NRROS: variants seen among roughly 807,000 people sequenced by gnomAD.
The protein encoded by NRROS is negative regulator of reactive oxygen species.
A neutral mutation model predicts 12.0 loss-of-function variants in NRROS; 6 were observed. The observed-to-expected ratio is 0.50, with a 90% CI of 0.27 to 0.98. The LOEUF is 0.98. NRROS is among the 50% of genes least tolerant of loss of function. The pLI, the probability that NRROS is intolerant of heterozygous loss-of-function variation, is 0.11. For synonymous variants in NRROS, 462 were observed against 410.2 expected (o/e 1.13, Z -1.53); for missense variants, 857 against 888.2 (o/e 0.96, Z 0.45).
At chr3:196,650,207 G>A (rs565621007) in intron 1 of NRROS, among the ~76,000 whole-genome samples, 103 of 152,298 alleles carry the variant, frequency 6.8e-4, no homozygotes, top group Non-Finnish European at 1.3e-3. Flanking sequence ...GAGTGCAATA[G>A]CGAGATCTCT....
chr3:196,659,717 C>A, intron 2 of NRROS, 35 bp from the exon 3 acceptor site: 1 of 1,574,282 alleles, frequency 6.4e-7, no homozygotes, highest in Non-Finnish European at 8.6e-7. Context: ...GCCTCTGGGC[C>A]TCCTCGCTGC....
chr3:196,652,100 A>G (rs911301258), intron 1 of NRROS, among the ~76,000 whole-genome samples: 1 of 152,236 alleles, frequency 6.6e-6, no homozygotes, highest in Admixed American at 6.5e-5. Context: ...GTCAGCCAGC[A>G]TAGTCATCTG....
At chr3:196,650,058 T>C (rs1391563730) in intron 1 of NRROS, among the ~76,000 whole-genome samples, 2 of 152,116 alleles carry the variant, frequency 1.3e-5, no homozygotes, top group Admixed American at 1.3e-4. Flanking sequence ...GGGATAACAA[T>C]TCAGATATCC....
chr3:196,649,535 G>A (rs1577630724), intron 1 of NRROS, among the ~76,000 whole-genome samples: 2 of 152,066 alleles, frequency 1.3e-5, no homozygotes, highest in South Asian at 4.1e-4. Flanking sequence ...GCAGTGGCGT[G>A]ATCTCGGCTC....
intron 1 of NRROS, among the ~76,000 whole-genome samples, chr3:196,651,168 G>T (rs1291460014): frequency 6.6e-6 from 1 of 152,184 alleles, no homozygotes; most frequent in Non-Finnish European, 1.5e-5. Context: ...GAAGCTCTCT[G>T]CAGCTACACA....
Position 196,660,830 on chromosome 3 carries a change from G to A in NRROS, c.1187G>A (p.Gly396Glu). The change falls in exon 3 of 3, where the codon GGG (glycine) becomes GAG (glutamate). Residue 396 changes from glycine to glutamate, a missense_variant. Transcript: ENST00000328557. The surrounding 1 kb of genome is among the most constrained non-coding windows in gnomAD (Gnocchi z 7.7). ...NQLSELHLAP[G>E]LASCLGSLRL... ...CTGTCGGAGCTGCACCTGGCTCCGG[G>A]GCTGGCCAGCTGCCTGGGCAGCCTG... The A allele has an allele frequency of 2.5e-6, 4 of 1,613,640 alleles. No homozygotes were observed. The highest frequency in any genetic ancestry group is 3.4e-6 in the Non-Finnish European group (4 of 1,180,012).
rs1737498329 is a variant in NRROS, at chr3:196,654,638, C to A, written c.99C>A (p.Val33=). ...SGTATAASQG[V]CKLVGGAADC... ...CAGCCACAGCAGCCTCCCAAGGAGT[C>A]TGCAAGTTGGTGAGTTTCCCTTGAA... Residue 33 remains valine (V), a synonymous_variant, in exon 2 of 3, where the codon GTC becomes GTA. Coordinates refer to ENST00000328557, the MANE Select transcript of NRROS (RefSeq NM_198565.3). The surrounding 1 kb of genome is among the most constrained non-coding windows in gnomAD (Gnocchi z 4.4). 6.2e-7 allele frequency: 1 copy of A among 1,608,810 alleles called. No individual in the cohort carries two copies. The highest frequency in any genetic ancestry group is 8.5e-7 in the Non-Finnish European group (1 of 1,175,650).
chr3:196,649,137 C>T (rs986604597), intron 1 of NRROS, among the ~76,000 whole-genome samples: 21 of 152,206 alleles, frequency 1.4e-4, no homozygotes, highest in Non-Finnish European at 5.9e-5. Context: ...TAATGTTTTG[C>T]TAAGAATCAG....
chr3:196,657,573 G>A (rs1737565607), intron 2 of NRROS, among the ~76,000 whole-genome samples: 1 of 152,008 alleles, frequency 6.6e-6, no homozygotes, highest in Admixed American at 6.6e-5. Flanking sequence ...CCGGTGTGGT[G>A]GTGTGAGTCT....
Position 196,661,246 on chromosome 3 carries a change from T to C in NRROS, c.1603T>C (p.Phe535Leu). 6.2e-7 allele frequency: 1 copy of C among 1,613,908 alleles called. No individual in the cohort carries two copies. Among genetic ancestry groups the C allele is most frequent in the Non-Finnish European group, 8.5e-7 (1 of 1,179,960 alleles). The change falls in exon 3 of 3, where the codon TTT becomes CTT. Residue 535 changes from phenylalanine to leucine, a missense_variant. Coordinates refer to ENST00000328557, the MANE Select transcript of NRROS (RefSeq NM_198565.3). The part of the protein sequence containing the change: ...SSFMALDFSG[F>L]GNLRDLDLSG... ...CTTTATGGCGTTGGACTTCTCTGGG[T>C]TTGGGAATCTCAGGGACTTAGATCT...
In NRROS at chr3:196,660,022, G is replaced by A. The variant is rs990494482; in HGVS notation, c.379G>A (p.Ala127Thr). The change falls in exon 3 of 3, where the codon GCC becomes ACC. Residue 127 changes from alanine to threonine, a missense_variant. Ala to Thr is a moderately conservative substitution (Grantham distance 58, BLOSUM62 0). Coordinates refer to ENST00000328557, the MANE Select transcript of NRROS (RefSeq NM_198565.3). This position sits in a 1 kb window ranked among gnomAD's most constrained non-coding sequence, Gnocchi z 7.7. ...AGAGAACTACGAAGAGACGGCAGCC[G>A]CCCTCCACGCCCTGCCGGGCCTGCG... Reference protein sequence around the residue: ...LSENYEETAAALHALPGLRRL... With the variant: ...LSENYEETAATLHALPGLRRL... 3 of 1,613,118 alleles carry A rather than the reference G, an allele frequency of 1.9e-6. No homozygotes were observed. The highest frequency in any genetic ancestry group is 8.5e-7 in the Non-Finnish European group (1 of 1,179,900).
At position 196,639,757 on chromosome 3, in the gene NRROS, A is replaced by G. The variant is rs1034147300; in HGVS notation, c.-132A>G. ...TCCGTCCGTTCCTTCCGCTGGTGCT[A>G]AAATAATCTGATGCCCCACAGCAAG... is the stretch of plus-strand genomic sequence containing the variant. On this transcript the variant is annotated 5_prime_UTR_variant, in exon 1 of 3. Coordinates refer to ENST00000328557, the MANE Select transcript of NRROS (RefSeq NM_198565.3). 11 of 152,592 alleles carry G rather than the reference A, an allele frequency of 7.2e-5. No homozygotes were observed. The highest frequency in any genetic ancestry group is 2.4e-4 in the African/African-American group (10 of 41,468). 9.5% of individuals were successfully genotyped at this position (152,592 alleles called of 1,614,324 possible). A position where few individuals can be genotyped will look rare whatever the true frequency, so the allele number is the denominator to read the frequency against.
rs144201383 is a variant in NRROS at position 196,661,178 on chromosome 3, T to A, written c.1535T>A (p.Met512Lys). The change falls in exon 3 of 3, where the codon ATG becomes AAG. Residue 512 changes from methionine to lysine, a missense_variant. Coordinates refer to ENST00000328557, the MANE Select transcript of NRROS (RefSeq NM_198565.3). ...SLAPLQDVAP[M>K]LQVLSLRNMG... ...GCCCCACTCCAGGATGTTGCCCCCA[T>A]GTTACAGGTCCTGTCTCTCAGGAAC... The A allele has an allele frequency of 1.9e-6, 3 of 1,613,026 alleles. No individual in the cohort carries two copies. In the South Asian group the frequency reaches 3.3e-5, roughly 18 times the overall value.
At chr3:196,652,361 G>A (rs1375770138) in intron 1 of NRROS, among the ~76,000 whole-genome samples, 1 of 152,166 alleles carries the variant, frequency 6.6e-6, no homozygotes, top group African/African-American at 2.4e-5. Flanking sequence ...TACCTTTACA[G>A]CCATGAAGCC....
At chr3:196,649,945 A>G (rs1466662348) in intron 1 of NRROS, among the ~76,000 whole-genome samples, 1 of 152,102 alleles carries the variant, frequency 6.6e-6, no homozygotes, top group Non-Finnish European at 1.5e-5. Flanking sequence ...GTCCGGTCCC[A>G]GCTCTGGCAG....
At chr3:196,658,080 G>A (rs903870234) in intron 2 of NRROS, among the ~76,000 whole-genome samples, 37 of 152,146 alleles carry the variant, frequency 2.4e-4, no homozygotes, top group African/African-American at 8.7e-4. Flanking sequence ...GCAGAGCCAC[G>A]AAGCATTGGC....
rs548378361 is a variant in NRROS at position 196,657,233 on chromosome 3, C to T, written c.109-2519C>T. On this transcript the variant is annotated intron_variant, in intron 2 of 2. Coordinates refer to ENST00000328557, the MANE Select transcript of NRROS (RefSeq NM_198565.3). ...AAAAAAAAAAGAAAAAGAAAGTGGA[C>T]ATGGTAAGCTTTTCTGGGATGGCCA... 2.0e-5 allele frequency among the ~76,000 whole-genome samples: 3 copies of T among 151,250 alleles called. No homozygotes were observed. In the East Asian group the frequency reaches 5.9e-4, roughly 30 times the overall value.
At chr3:196,646,123 C>G (rs1277990371) in intron 1 of NRROS, among the ~76,000 whole-genome samples, 1 of 128,788 alleles carries the variant, frequency 7.8e-6, no homozygotes, top group East Asian at 1.9e-4. Flanking sequence ...TCAGTCTCGA[C>G]ACAACCCTGT....
At position 196,661,450 on chromosome 3, in the gene NRROS, G is replaced by A. The variant is rs755094642; in HGVS notation, c.1807G>A (p.Gly603Ser). Residue 603 changes from glycine to serine, a missense_variant, in exon 3 of 3, where the codon GGC (glycine) becomes AGC (serine). Gly to Ser is a moderately conservative substitution (Grantham distance 56). Coordinates refer to ENST00000328557, the MANE Select transcript of NRROS (RefSeq NM_198565.3). ...QNPYDCCGVD[G>S]WGALQHGQTV... ...TCCATATGACTGCTGTGGGGTGGAT[G>A]GCTGGGGGGCCCTGCAGCATGGGCA... 8 of 1,594,458 alleles carry A rather than the reference G, an allele frequency of 5.0e-6. No homozygotes were observed. In the East Asian group the frequency reaches 1.8e-4, roughly 36 times the overall value.
Sources: gnomAD v4.1 joint callset for allele counts (sites outside exome capture counted in the v4.1 genomes callset) on GRCh38, gnomAD v4.1.1 for gene constraint, Gnocchi (gnomAD v3.1) non-coding constraint, MANE v1.5 for transcripts, NCBI Gene and HGNC (gene_info 2026-07-23, HGNC 2026-07-21) for gene names.